The following CDC42BPB variants were observed in gnomAD, a reference collection of about 807,000 sequenced individuals.
CDC42BPB encodes the protein serine/threonine-protein kinase MRCK beta.
Under a neutral mutation model 214.9 loss-of-function variants are expected in CDC42BPB, and 37 were observed. That is an observed-to-expected ratio of 0.17 (90% CI 0.13 to 0.23). The LOEUF (loss-of-function observed/expected upper bound fraction) is 0.23, where lower values mean the gene tolerates loss of function less well. CDC42BPB is among the 10% of genes least tolerant of loss of function. The probability of loss-of-function intolerance (pLI) is 1.00; values close to 1 mark genes in which losing one functional copy is unlikely to be tolerated. For synonymous variants in CDC42BPB, 931 were observed against 884.0 expected (o/e 1.05, Z -0.94); for missense variants, 1,694 against 2,227.0 (o/e 0.76, Z 4.82).
intron 1 of CDC42BPB, among the ~76,000 whole-genome samples, chr14:103,052,276 C>T (rs1373260440): frequency 6.6e-6 from 1 of 152,192 alleles, no homozygotes; most frequent in Non-Finnish European, 1.5e-5. Context: ...TTTTATCATG[C>T]AATCCTAACA....
chr14:103,002,479 GCAT>G (rs768953168), intron 4 of CDC42BPB, among the ~76,000 whole-genome samples: 5 of 152,168 alleles, frequency 3.3e-5, no homozygotes, highest in Non-Finnish European at 5.9e-5. Context: ...AACAAAACAA[GCAT>G]CATCATCTTC....
At chr14:103,056,865 G>A (rs1889007473) in intron 1 of CDC42BPB, 134 bp downstream of exon 1, 7 of 569,562 alleles carry the variant, frequency 1.2e-5, no homozygotes, top group East Asian at 3.5e-5. Context: ...AGCGAGAGGA[G>A]GCGAAGCCCA....
At chr14:102,954,724 G>T in intron 21 of CDC42BPB, 36 bp from the exon 22 acceptor site, 1 of 1,593,702 alleles carries the variant, frequency 6.3e-7, no homozygotes, top group African/African-American at 1.3e-5. Context: ...GGGGTGAAAG[G>T]ACATATTCTA....
At position 103,056,979 on chromosome 14, in the gene CDC42BPB, C is replaced by T. The variant is rs780561969; in HGVS notation, c.175+20G>A. 21 of 1,390,616 alleles carry T rather than the reference C, an allele frequency of 1.5e-5. No homozygotes were observed. The East Asian group carries it at 5.5e-4, about 36-fold the overall frequency. The allele number at this position is 1,390,616 out of a possible 1,614,324, so 86.1% of individuals were successfully genotyped here. On this transcript the variant is annotated intron_variant, in intron 1 of 36. Transcript: ENST00000361246. Reference sequence around the variant, plus strand: ...GGGGGTCGCAGAGCCGCAGGTCCGGCCCTGCCGGCGCGCACTTACCCCACT... The same window carrying T: ...GGGGGTCGCAGAGCCGCAGGTCCGGTCCTGCCGGCGCGCACTTACCCCACT...
intron 30 of CDC42BPB, among the ~76,000 whole-genome samples, chr14:102,942,000 G>A (rs1023231942): frequency 2.0e-5 from 3 of 152,234 alleles, no homozygotes; most frequent in African/African-American, 7.2e-5. Flanking sequence ...AGGTGTCTAC[G>A]CCAGACACGT....
chr14:102,975,655 A>G, intron 11 of CDC42BPB, 29 bp downstream of exon 11: 1 of 1,609,380 alleles, frequency 6.2e-7, no homozygotes, highest in Non-Finnish European at 8.5e-7. Flanking sequence ...AAAAATAGAG[A>G]CTAAGAAGTC....
At chr14:103,008,807 A>C (rs1885989934) in intron 2 of CDC42BPB, 1 of 348,132 alleles carries the variant, frequency 2.9e-6, no homozygotes, top group Admixed American at 6.5e-5. Context: ...GGGTTCCACC[A>C]CTACAGGAGG....
At chr14:102,965,191 C>T (rs1893143906) in intron 18 of CDC42BPB, among the ~76,000 whole-genome samples, 1 of 152,068 alleles carries the variant, frequency 6.6e-6, no homozygotes, top group African/African-American at 2.4e-5. Context: ...CTTGGCCTCC[C>T]AAAGTGCTGG....
chr14:102,939,655 G>A lies in CDC42BPB; in HGVS notation c.4782C>T (p.His1594=), dbSNP rs1891800767. Residue 1594 remains histidine, a synonymous_variant, in exon 34 of 37, where the codon CAC becomes CAT. Coordinates refer to ENST00000361246, the MANE Select transcript of CDC42BPB (RefSeq NM_006035.4). ...SNPTNFNHVA[H]MGPGDGMQVL... The stretch of plus-strand genomic sequence containing the variant: ...CCTGCATGCCGTCGCCTGGGCCCAT[G>A]TGGGCCACGTGGTTGAAGTTGGTTG... 2 of 1,614,154 alleles carry A rather than the reference G, an allele frequency of 1.2e-6. No homozygotes were observed. The highest frequency in any genetic ancestry group is 1.7e-6 in the Non-Finnish European group (2 of 1,180,002).
intron 1 of CDC42BPB, among the ~76,000 whole-genome samples, chr14:103,016,034 A>G (rs769703338): frequency 2.6e-5 from 4 of 152,060 alleles, no homozygotes; most frequent in Non-Finnish European, 5.9e-5. Context: ...AATTTTTAAA[A>G]CTTAGAAACC....
At chr14:103,039,812 G>C (rs1278492206) in intron 1 of CDC42BPB, among the ~76,000 whole-genome samples, 1 of 151,944 alleles carries the variant, frequency 6.6e-6, no homozygotes, top group East Asian at 1.9e-4. Context: ...AAGTTGAAAA[G>C]GAAGAAGCAG....
rs199631909 is a variant in CDC42BPB, at chr14:102,946,529, G to C, written c.3687C>G (p.Pro1229=). 13 of 1,612,762 alleles carry C rather than the reference G, an allele frequency of 8.1e-6. No individual in the cohort carries two copies. In the Admixed American group the frequency reaches 1.8e-4, roughly 23 times the overall value. The change falls in exon 28 of 37, where the codon CCC becomes CCG. Residue 1229 remains proline (P), a synonymous_variant. Coordinates refer to ENST00000361246, the MANE Select transcript of CDC42BPB (RefSeq NM_006035.4). ...NRLRNQVVHV[P]LEAYDSSLPL... is the part of the protein sequence containing the mutation. ...GCAGCGAGCTGTCGTAGGCTTCCAAGGGAACATGCACGACCTGATTCCTCA... is the reference window on the plus strand; with the variant it reads ...GCAGCGAGCTGTCGTAGGCTTCCAACGGAACATGCACGACCTGATTCCTCA...
chr14:103,023,261 G>A (rs758896056), intron 1 of CDC42BPB, among the ~76,000 whole-genome samples: 1 of 150,730 alleles, frequency 6.6e-6, no homozygotes, highest in Non-Finnish European at 1.5e-5. Flanking sequence ...TCTGCCTCTC[G>A]GGTTCAAGCA....
intron 1 of CDC42BPB, among the ~76,000 whole-genome samples, chr14:103,049,498 T>A (rs151121445): frequency 2.0e-5 from 3 of 152,324 alleles, no homozygotes; most frequent in East Asian, 1.9e-4. Context: ...TGATCCTAAC[T>A]AAAATGATAA....
rs562457844 is a variant in CDC42BPB, at chr14:102,989,807, C to T, written c.597-3227G>A. Among the ~76,000 whole-genome samples, 5 of 150,632 alleles carry T rather than the reference C, an allele frequency of 3.3e-5. No individual in the cohort carries two copies. The South Asian group carries it at 6.3e-4, about 19-fold the overall frequency. ...CCAGGAGGCAGAGGTTGCAGTGAGCCGAGATCGCACCACTGCGCGCCAGCC... is the reference window on the plus strand; with the variant it reads ...CCAGGAGGCAGAGGTTGCAGTGAGCTGAGATCGCACCACTGCGCGCCAGCC... On this transcript the variant is annotated intron_variant, in intron 5 of 36. Transcript: ENST00000361246.
intron 1 of CDC42BPB, among the ~76,000 whole-genome samples, chr14:103,027,275 G>A (rs978050238): frequency 1.3e-5 from 2 of 152,100 alleles, no homozygotes; most frequent in Non-Finnish European, 2.9e-5. Context: ...TCCTCAAAGT[G>A]CTAAACACAG....
At chr14:103,017,302 A>G (rs1325871122) in intron 1 of CDC42BPB, among the ~76,000 whole-genome samples, 1 of 152,228 alleles carries the variant, frequency 6.6e-6, no homozygotes, top group Non-Finnish European at 1.5e-5. Context: ...AGGCTGGACA[A>G]CAGTGAGAAC....
At chr14:103,019,436 G>T (rs1192931606) in intron 1 of CDC42BPB, among the ~76,000 whole-genome samples, 1 of 152,122 alleles carries the variant, frequency 6.6e-6, no homozygotes, top group South Asian at 2.1e-4. Context: ...TGAAGAGCCC[G>T]TAGCCCTCAC....
At position 102,938,170 on chromosome 14, in the gene CDC42BPB, T is replaced by C; in HGVS notation, c.4938A>G (p.Gly1646=). The part of the protein sequence containing the change: ...KPYISWPSSG[G]SEPSVTVPLR... ...GAGGCACAGTCACGCTAGGCTCCGATCCACCTACAGAACAAGGACAGCTTT... is the reference window on the plus strand; with the variant it reads ...GAGGCACAGTCACGCTAGGCTCCGACCCACCTACAGAACAAGGACAGCTTT... Residue 1646 remains glycine (G), a synonymous_variant, in exon 36 of 37, where the codon GGA becomes GGG. Coordinates refer to ENST00000361246, the MANE Select transcript of CDC42BPB (RefSeq NM_006035.4). 1.9e-6 allele frequency: 3 copies of C among 1,613,546 alleles called. No individual in the cohort carries two copies. Among genetic ancestry groups the C allele is most frequent in the Non-Finnish European group, 2.5e-6 (3 of 1,179,862 alleles).
Sources: allele counts gnomAD v4.1 joint callset (sites outside exome capture counted in the v4.1 genomes callset), GRCh38; gene constraint gnomAD v4.1.1; transcripts MANE v1.5; gene names NCBI Gene and HGNC (gene_info 2026-07-23, HGNC 2026-07-21).